Variants in RPS6KC1 observed in about 807,000 individuals in gnomAD.
The protein encoded by RPS6KC1 is ribosomal protein S6 kinase C1, also known as inactive ribosomal protein S6 kinase delta-1.
Under a neutral mutation model 103.8 loss-of-function variants are expected in RPS6KC1, and 54 were observed. The ratio of observed to expected loss-of-function variants is 0.52; its 90% CI spans 0.42 to 0.65. The LOEUF (loss-of-function observed/expected upper bound fraction) is 0.65, where lower values mean the gene tolerates loss of function less well. RPS6KC1 is among the 30% of genes least tolerant of loss of function. The pLI is 0.00. For synonymous variants in RPS6KC1, 439 were observed against 438.7 expected (o/e 1.00, Z -0.01); for missense variants, 1,151 against 1,253.8 (o/e 0.92, Z 1.24).
At chr1:213,655,895 A>T in the RPS6KC1 span, among the ~76,000 whole-genome samples, 8 of 152,162 alleles carry the variant, frequency 5.3e-5, no homozygotes, top group Non-Finnish European at 1.2e-4. Flanking sequence ...TGTTAAGGAA[A>T]CTCAGAAGTC....
the RPS6KC1 span, among the ~76,000 whole-genome samples, chr1:213,475,822 T>G: frequency 6.6e-6 from 1 of 152,202 alleles, no homozygotes; most frequent in Non-Finnish European, 1.5e-5. Context: ...AAAGAGATGG[T>G]GGGGCCTCTT....
chr1:213,810,178 A>T, the RPS6KC1 span, among the ~76,000 whole-genome samples: 47 of 152,300 alleles, frequency 3.1e-4, no homozygotes, highest in South Asian at 5.8e-3. Context: ...GCAGTAGTAA[A>T]CTGAGGCTTG....
chr1:213,658,201 T>A, the RPS6KC1 span, among the ~76,000 whole-genome samples: 1 of 152,240 alleles, frequency 6.6e-6, no homozygotes, highest in East Asian at 1.9e-4. Flanking sequence ...GGAGATTGTC[T>A]AGGAACCTGT....
the RPS6KC1 span, among the ~76,000 whole-genome samples, chr1:213,789,264 G>A: frequency 6.6e-6 from 1 of 152,078 alleles, no homozygotes; most frequent in African/African-American, 2.4e-5. Context: ...GGGCCAGGAT[G>A]GTGTCTATTT....
At chr1:213,108,922 A>G (rs182668919) in intron 4 of RPS6KC1, among the ~76,000 whole-genome samples, 88 of 150,490 alleles carry the variant, frequency 5.8e-4, no homozygotes, top group Admixed American at 1.3e-3. Flanking sequence ...AGTGCTGGGA[A>G]TACAGGTGTG....
chr1:213,445,863 G>A, the RPS6KC1 span, among the ~76,000 whole-genome samples: 3 of 152,042 alleles, frequency 2.0e-5, no homozygotes, highest in Admixed American at 1.3e-4. Flanking sequence ...GCACAAAGCC[G>A]TCTCAAGGCT....
chr1:213,395,327 A>T, the RPS6KC1 span, among the ~76,000 whole-genome samples: 1 of 152,190 alleles, frequency 6.6e-6, no homozygotes, highest in Admixed American at 6.5e-5. Flanking sequence ...GCACGGTAGG[A>T]TCTCAAAGAG....
At chr1:213,834,029 G>A in the RPS6KC1 span, among the ~76,000 whole-genome samples, 2 of 152,136 alleles carry the variant, frequency 1.3e-5, no homozygotes, top group African/African-American at 2.4e-5. Flanking sequence ...GCTCGTAATG[G>A]TCTATTATGT....
At chr1:213,801,859 A>G in the RPS6KC1 span, among the ~76,000 whole-genome samples, 1 of 152,268 alleles carries the variant, frequency 6.6e-6, no homozygotes, top group Non-Finnish European at 1.5e-5. Flanking sequence ...TATTGGGAAG[A>G]GAATGGAACA....
At chr1:213,151,818 C>T (rs1332098125) in intron 6 of RPS6KC1, among the ~76,000 whole-genome samples, 7 of 128,954 alleles carry the variant, frequency 5.4e-5, no homozygotes, top group Admixed American at 5.0e-4. Context: ...GGGCAGCTGG[C>T]CGGGCGAGGG....
chr1:213,423,150 G>C, the RPS6KC1 span, among the ~76,000 whole-genome samples: 1 of 152,206 alleles, frequency 6.6e-6, no homozygotes, highest in South Asian at 2.1e-4. Flanking sequence ...CATCTGACAC[G>C]AATGTCATGT....
the RPS6KC1 span, among the ~76,000 whole-genome samples, chr1:213,709,722 T>G: frequency 6.6e-6 from 1 of 152,246 alleles, no homozygotes; most frequent in Non-Finnish European, 1.5e-5. Flanking sequence ...CATTGTGTGT[T>G]TGTTCTGATT....
chr1:213,147,196 G>T (rs1267156745), intron 6 of RPS6KC1, among the ~76,000 whole-genome samples: 1 of 151,858 alleles, frequency 6.6e-6, no homozygotes, highest in Non-Finnish European at 1.5e-5. Context: ...TTTTTAACTT[G>T]ATGTGATGCC....
At chr1:213,103,116 C>T (rs1049171733) in intron 3 of RPS6KC1, among the ~76,000 whole-genome samples, 4 of 151,068 alleles carry the variant, frequency 2.6e-5, no homozygotes, top group African/African-American at 9.8e-5. Context: ...GGGAGGATTG[C>T]TTGAGCCTGG....
chr1:213,117,248 A>G, intron 4 of RPS6KC1, 69 bp from the exon 5 acceptor site: 4 of 861,458 alleles, frequency 4.6e-6, no homozygotes, highest in Non-Finnish European at 7.6e-6. Context: ...TAATTGGGAT[A>G]ACTATTTTTT....
the RPS6KC1 span, among the ~76,000 whole-genome samples, chr1:213,319,424 G>C: frequency 6.6e-6 from 1 of 151,458 alleles, no homozygotes; most frequent in South Asian, 2.1e-4. Flanking sequence ...GACAGCTTAA[G>C]AAGAGAATTA....
At chr1:213,440,041 G>A in the RPS6KC1 span, among the ~76,000 whole-genome samples, 3 of 152,274 alleles carry the variant, frequency 2.0e-5, no homozygotes, top group Admixed American at 2.0e-4. Flanking sequence ...GTTTGATTAT[G>A]ACATGCCTTG....
chr1:213,361,662 T>G, the RPS6KC1 span, among the ~76,000 whole-genome samples: 4 of 152,224 alleles, frequency 2.6e-5, no homozygotes, highest in Non-Finnish European at 5.9e-5. Context: ...ACTGGAGCTG[T>G]TCCTATTCGG....
At chr1:213,266,832 G>A (rs2094922024) in intron 14 of RPS6KC1, among the ~76,000 whole-genome samples, 1 of 151,814 alleles carries the variant, frequency 6.6e-6, no homozygotes, top group South Asian at 2.1e-4. Flanking sequence ...GAACCTGGGA[G>A]GCAGAGGTTG....
Sources: gnomAD v4.1 joint callset for allele counts (sites outside exome capture counted in the v4.1 genomes callset) on GRCh38, gnomAD v4.1.1 for gene constraint, MANE v1.5 for transcripts, NCBI Gene and HGNC (gene_info 2026-07-23, HGNC 2026-07-21) for gene names.